The following SHISA9 variants were observed in gnomAD, a reference collection of about 807,000 sequenced individuals.
SHISA9 encodes the protein protein shisa-9.
SHISA9 carries 13 observed loss-of-function variants against 38.0 expected under a neutral mutation model. The ratio of observed to expected loss-of-function variants is 0.34; its 90% CI spans 0.22 to 0.54. The LOEUF is 0.54. Ranked by LOEUF, SHISA9 falls within the 20% of genes least tolerant of loss-of-function variation. The pLI is 0.91. For synonymous variants in SHISA9, 275 were observed against 242.0 expected, an observed-to-expected ratio of 1.14 and a Z score of -1.27; for missense variants, 538 against 575.8, an observed-to-expected ratio of 0.93 and a Z score of 0.67.
chr16:13,127,295 G>GGA (rs1258169986), intron 2 of SHISA9, among the ~76,000 whole-genome samples: 2 of 135,954 alleles, frequency 1.5e-5, no homozygotes, highest in East Asian at 2.4e-4. Context: ...AGAGATGGAG[G>GGA]GAGAGAGAGA....
chr16:13,021,484 G>T (rs990779468), intron 2 of SHISA9, among the ~76,000 whole-genome samples: 2 of 152,128 alleles, frequency 1.3e-5, no homozygotes, highest in Non-Finnish European at 1.5e-5. Context: ...GAGGGGCTTG[G>T]CTTCTGATAC....
chr16:13,269,450 T>G, the SHISA9 span, among the ~76,000 whole-genome samples: 1 of 152,154 alleles, frequency 6.6e-6, no homozygotes, highest in African/African-American at 2.4e-5. Flanking sequence ...CAGAAAACAC[T>G]TCCAAGATGG....
rs1340989378 is a variant in SHISA9, at chr16:13,189,394, T to C, written c.692-14000T>C. Reference sequence around the variant, plus strand: ...CTTAGCTTGACGGAAGAAACATCGATGTTGCCATCACACAAACCTGGCATC... The same window carrying C: ...CTTAGCTTGACGGAAGAAACATCGACGTTGCCATCACACAAACCTGGCATC... On this transcript the variant is annotated intron_variant, in intron 2 of 4. Transcript: ENST00000558583. Among the ~76,000 whole-genome samples the C allele has an allele frequency of 2.0e-5, 3 of 152,324 alleles. No individual in the cohort carries two copies. The East Asian group carries it at 5.8e-4, about 29-fold the overall frequency.
chr16:12,912,074 C>T (rs945845815), intron 1 of SHISA9, among the ~76,000 whole-genome samples: 1 of 152,166 alleles, frequency 6.6e-6, no homozygotes, highest in Non-Finnish European at 1.5e-5. Context: ...TGATTCCTGC[C>T]ATCTTACATG....
the SHISA9 span, among the ~76,000 whole-genome samples, chr16:13,401,086 C>T: frequency 1.5e-4 from 23 of 152,320 alleles, no homozygotes; most frequent in Non-Finnish European, 5.9e-5. Context: ...TGGGAAAGTG[C>T]TATAAGTTGT....
chr16:13,318,626 G>A, the SHISA9 span, among the ~76,000 whole-genome samples: 2 of 152,086 alleles, frequency 1.3e-5, no homozygotes, highest in African/African-American at 4.8e-5. Context: ...TGGCCCTCCA[G>A]ACGTTTCTAA....
At chr16:12,910,797 T>C in intron 1 of SHISA9, 1 of 894,268 alleles carries the variant, frequency 1.1e-6, no homozygotes, top group Non-Finnish European at 1.3e-6. Flanking sequence ...GAATTGGAAG[T>C]CCAAAATCTC....
chr16:13,483,580 G>A, the SHISA9 span, among the ~76,000 whole-genome samples: 4 of 151,782 alleles, frequency 2.6e-5, no homozygotes, highest in Non-Finnish European at 1.5e-5. Flanking sequence ...GGTGTGCCAG[G>A]CCTCAGGAAA....
chr16:13,460,279 C>T, the SHISA9 span, among the ~76,000 whole-genome samples: 2 of 152,098 alleles, frequency 1.3e-5, no homozygotes, highest in African/African-American at 2.4e-5. Context: ...GCTCCATGAA[C>T]ACCTCATGGA....
chr16:13,133,335 G>T (rs924769246), intron 2 of SHISA9, among the ~76,000 whole-genome samples: 1 of 152,172 alleles, frequency 6.6e-6, no homozygotes, highest in African/African-American at 2.4e-5. Context: ...AAGAGAATTT[G>T]CTCACAAGGA....
intron 2 of SHISA9, among the ~76,000 whole-genome samples, chr16:12,941,617 G>C (rs1347375420): frequency 1.3e-5 from 2 of 152,126 alleles, no homozygotes; most frequent in Non-Finnish European, 2.9e-5. Flanking sequence ...CTAGCACTCT[G>C]GGAGGCTGAG....
At chr16:13,435,636 T>C in the SHISA9 span, among the ~76,000 whole-genome samples, 1 of 152,158 alleles carries the variant, frequency 6.6e-6, no homozygotes, top group Non-Finnish European at 1.5e-5. Context: ...AAAGAGTACA[T>C]CCTACAGCCT....
chr16:12,908,697 T>C, intron 1 of SHISA9: 1 of 1,501,404 alleles, frequency 6.7e-7, no homozygotes, highest in Non-Finnish European at 8.9e-7. Context: ...AGCTCATGCA[T>C]CGGGGCCAGT....
chr16:13,175,468 A>G (rs2050724041), intron 2 of SHISA9, among the ~76,000 whole-genome samples: 1 of 152,190 alleles, frequency 6.6e-6, no homozygotes, highest in Non-Finnish European at 1.5e-5. Context: ...ATGGATGACA[A>G]AAGTTATTTG....
the SHISA9 span, among the ~76,000 whole-genome samples, chr16:13,377,582 T>C: frequency 1.3e-5 from 2 of 152,204 alleles, no homozygotes; most frequent in African/African-American, 4.8e-5. Flanking sequence ...GCTAATAAAA[T>C]GTACAAACAC....
intron 2 of SHISA9, among the ~76,000 whole-genome samples, chr16:13,001,117 G>A (rs1337460905): frequency 2.6e-5 from 4 of 152,130 alleles, no homozygotes; most frequent in East Asian, 1.9e-4. Flanking sequence ...TAGTAGAGAC[G>A]GGGTTTCACC....
At chr16:13,216,918 C>T (rs1002441938) in intron 4 of SHISA9, among the ~76,000 whole-genome samples, 4 of 152,104 alleles carry the variant, frequency 2.6e-5, no homozygotes, top group African/African-American at 9.7e-5. Context: ...CCACCCACGC[C>T]CAGCCTTGGA....
chr16:13,274,491 G>A, the SHISA9 span, among the ~76,000 whole-genome samples: 33 of 152,154 alleles, frequency 2.2e-4, no homozygotes, highest in South Asian at 2.9e-3. Context: ...CTATAGTTTC[G>A]GATGCAAATG....
intron 2 of SHISA9, among the ~76,000 whole-genome samples, chr16:13,026,241 C>G (rs2072920193): frequency 2.2e-3 from 1 of 456 alleles, no homozygotes; most frequent in Non-Finnish European, 0.019. Flanking sequence ...TTTCCCCTCC[C>G]TATCCCCCGG....
Sources: allele counts gnomAD v4.1 joint callset (sites outside exome capture counted in the v4.1 genomes callset), GRCh38; gene constraint gnomAD v4.1.1; transcripts MANE v1.5; gene names NCBI Gene and HGNC (gene_info 2026-07-23, HGNC 2026-07-21).